CREB5: variants seen among roughly 807,000 people sequenced by gnomAD.
CREB5 encodes the protein cAMP responsive element binding protein 5, also known as cyclic AMP-responsive element-binding protein 5.
Under a neutral mutation model 57.1 loss-of-function variants are expected in CREB5, and 19 were observed. The ratio of observed to expected loss-of-function variants is 0.33; its 90% CI spans 0.23 to 0.49. CREB5 has a LOEUF of 0.49. Ranked by LOEUF, CREB5 falls within the 20% of genes least tolerant of loss-of-function variation. CREB5 has a pLI of 0.99. For synonymous variants in CREB5, 238 were observed against 238.3 expected (o/e 1.00, Z 0.01); for missense variants, 579 against 671.6 (o/e 0.86, Z 1.52).
intron 5 of CREB5, chr7:28,615,077 C>G (rs1169836091): frequency 1.3e-5 from 2 of 152,124 alleles, no homozygotes; most frequent in East Asian, 3.9e-4. Context: ...CTTTATTTTT[C>G]ATGTGTAAAA....
At chr7:28,387,211 C>A (rs925672858) in intron 1 of CREB5, among the ~76,000 whole-genome samples, 1 of 152,096 alleles carries the variant, frequency 6.6e-6, no homozygotes, top group East Asian at 1.9e-4. Context: ...AAAAGCATTC[C>A]TTTTTCTCCA....
chr7:28,382,016 A>G (rs1786975903), intron 1 of CREB5, among the ~76,000 whole-genome samples: 1 of 152,224 alleles, frequency 6.6e-6, no homozygotes, highest in African/African-American at 2.4e-5. Flanking sequence ...TCCAAGTCTG[A>G]AGGCCTCAGA....
intron 4 of CREB5, among the ~76,000 whole-genome samples, chr7:28,539,314 T>C (rs1794105359): frequency 6.6e-6 from 1 of 152,232 alleles, no homozygotes; most frequent in Non-Finnish European, 1.5e-5. Flanking sequence ...AATATAAACA[T>C]CCACTGCCTG....
intron 1 of CREB5, among the ~76,000 whole-genome samples, chr7:28,482,390 G>T (rs1363966608): frequency 1.3e-5 from 2 of 152,168 alleles, no homozygotes; most frequent in Non-Finnish European, 2.9e-5. Context: ...ATAAATATTT[G>T]CTTTGTTTCA....
chr7:28,684,875 G>A (rs1368658736), intron 5 of CREB5, among the ~76,000 whole-genome samples: 3 of 152,078 alleles, frequency 2.0e-5, no homozygotes, highest in African/African-American at 4.8e-5. Context: ...ATAGCAAAAC[G>A]GAGAGATGAT....
intron 5 of CREB5, among the ~76,000 whole-genome samples, chr7:28,717,089 T>TTC (rs1344000463): frequency 7.0e-6 from 1 of 143,114 alleles, no homozygotes; most frequent in Non-Finnish European, 1.5e-5. Context: ...TTATATTCTT[T>TTC]TTTTTTTTTT....
intron 5 of CREB5, among the ~76,000 whole-genome samples, chr7:28,589,085 A>G (rs549435861): frequency 2.6e-5 from 4 of 152,336 alleles, no homozygotes; most frequent in African/African-American, 9.6e-5. Flanking sequence ...ATAGAAAAGC[A>G]TGAAGAATTG....
chr7:28,312,061 T>C (rs1261408984), intron 1 of CREB5, among the ~76,000 whole-genome samples: 1 of 152,104 alleles, frequency 6.6e-6, no homozygotes. Context: ...TTTTTTTGAG[T>C]TGGAAATGAT....
intron 5 of CREB5, among the ~76,000 whole-genome samples, chr7:28,577,073 T>A (rs1050020406): frequency 6.6e-6 from 1 of 152,194 alleles, no homozygotes; most frequent in East Asian, 1.9e-4. Context: ...AGCATTGTCA[T>A]GGGTTCAGAG....
At chr7:28,369,593 C>CTAA in intron 1 of CREB5, among the ~76,000 whole-genome samples, 1 of 152,186 alleles carries the variant, frequency 6.6e-6, no homozygotes, top group East Asian at 1.9e-4. Flanking sequence ...ATTCAACTAA[C>CTAA]CGTAGTTGTG....
chr7:28,751,342 A>G (rs932566117), intron 7 of CREB5, among the ~76,000 whole-genome samples: 6 of 152,236 alleles, frequency 3.9e-5, no homozygotes, highest in Non-Finnish European at 7.3e-5. Context: ...GTCAGAAAAG[A>G]GAAACTGACA....
At position 28,825,269 on chromosome 7, in the gene CREB5, C is replaced by A. The variant is rs903490060; in HGVS notation, c.*5990C>A. 1 of 152,436 alleles carries A rather than the reference C, an allele frequency of 6.6e-6. No homozygotes were observed. The highest frequency in any genetic ancestry group is 2.4e-5 in the African/African-American group (1 of 41,448). 9.4% of individuals were successfully genotyped at this position (152,436 alleles called of 1,614,324 possible). ...GCCAGTAGAAAATACAACCTACTCA[C>A]CTTTTTCCCTTCTAAGTTCTGCTAA... On this transcript the variant is annotated 3_prime_UTR_variant, in exon 11 of 11. Coordinates refer to ENST00000357727, the MANE Select transcript of CREB5 (RefSeq NM_182898.4).
intron 5 of CREB5, among the ~76,000 whole-genome samples, chr7:28,635,532 G>A (rs1238604653): frequency 1.3e-5 from 2 of 152,160 alleles, no homozygotes; most frequent in Non-Finnish European, 2.9e-5. Flanking sequence ...TCATGAGAAG[G>A]TTTACTAGAA....
chr7:28,593,334 C>T (rs1317403237), intron 5 of CREB5, among the ~76,000 whole-genome samples: 1 of 152,114 alleles, frequency 6.6e-6, no homozygotes, highest in Non-Finnish European at 1.5e-5. Context: ...CTATAACCTC[C>T]ACCTCCTGGG....
At chr7:28,539,974 A>G (rs1251095399) in intron 4 of CREB5, among the ~76,000 whole-genome samples, 1 of 152,216 alleles carries the variant, frequency 6.6e-6, no homozygotes, top group African/African-American at 2.4e-5. Context: ...GCTGTTTCCA[A>G]GGATGCATGG....
At chr7:28,481,672 A>G (rs1791339109) in intron 1 of CREB5, among the ~76,000 whole-genome samples, 1 of 152,220 alleles carries the variant, frequency 6.6e-6, no homozygotes, top group Non-Finnish European at 1.5e-5. Flanking sequence ...GCCCGCTTCA[A>G]GAATAACACT....
chr7:28,424,586 G>A (rs1427925018), intron 1 of CREB5, among the ~76,000 whole-genome samples: 1 of 152,194 alleles, frequency 6.6e-6, no homozygotes, highest in Admixed American at 6.5e-5. Flanking sequence ...TTTTGCTAAT[G>A]TAGGCATTAC....
intron 5 of CREB5, among the ~76,000 whole-genome samples, chr7:28,596,028 T>C (rs897463421): frequency 6.6e-5 from 10 of 152,228 alleles, no homozygotes; most frequent in African/African-American, 2.4e-4. Flanking sequence ...CACAGTATCA[T>C]GCAATCCCCT....
At chr7:28,642,991 C>CACACACACAT (rs1798735484) in intron 5 of CREB5, among the ~76,000 whole-genome samples, 247 of 114,464 alleles carry the variant, frequency 2.2e-3, no homozygotes, top group Non-Finnish European at 3.5e-3. Context: ...CACACATACA[C>CACACACACAT]ACACACACAC....
Sources: gnomAD v4.1 joint callset for allele counts (sites outside exome capture counted in the v4.1 genomes callset) on GRCh38, gnomAD v4.1.1 for gene constraint, MANE v1.5 for transcripts, NCBI Gene and HGNC (gene_info 2026-07-23, HGNC 2026-07-21) for gene names.